Variants in GAREM2 observed in about 807,000 individuals in gnomAD.
GAREM2 encodes GRB2 associated regulator of MAPK1 subtype 2.
Under a neutral mutation model 55.6 loss-of-function variants are expected in GAREM2, and 30 were observed. The ratio of observed to expected loss-of-function variants is 0.54; its 90% CI spans 0.40 to 0.73. The LOEUF is 0.73. GAREM2 is among the 30% of genes least tolerant of loss of function. GAREM2 has a pLI of 0.00. For synonymous variants in GAREM2, 550 were observed against 569.1 expected, an observed-to-expected ratio of 0.97 and a Z score of 0.48; for missense variants, 1,075 against 1,257.7, an observed-to-expected ratio of 0.85 and a Z score of 2.20.
intron 2 of GAREM2, among the ~76,000 whole-genome samples, chr2:26,178,254 C>A (rs1374152341): frequency 6.6e-6 from 1 of 152,174 alleles, no homozygotes; most frequent in African/African-American, 2.4e-5. Context: ...GGGGGAGGTC[C>A]CAGGTCTTCT....
Position 26,184,762 on chromosome 2 carries a change from TGCGCCGCGAGGGCCCG to T in GAREM2, c.922_937del (p.Glu308CysfsTer85). 1 of 1,496,924 alleles carries T rather than the reference TGCGCCGCGAGGGCCCG, an allele frequency of 6.7e-7. No homozygotes were observed. Among genetic ancestry groups the T allele is most frequent in the Non-Finnish European group, 8.9e-7 (1 of 1,128,776 alleles). 92.7% of individuals were successfully genotyped at this position (1,496,924 alleles called of 1,614,324 possible). A position where few individuals can be genotyped will look rare whatever the true frequency, so the allele number is the denominator to read the frequency against. On this transcript the variant is annotated frameshift_variant, in exon 4 of 6. Transcript: ENST00000401533. LOFTEE classifies it high-confidence loss of function. ...AAGACGGTGGTGCTGGGGCTGGCGC[TGCGCCGCGAGGGCCCG>T]GCGCCGCTGCACTTCCTGCTGCTCA...
At chr2:26,176,928 T>C (rs947259502) in intron 2 of GAREM2, among the ~76,000 whole-genome samples, 1 of 152,212 alleles carries the variant, frequency 6.6e-6, no homozygotes. Flanking sequence ...CTCTCCGCGC[T>C]GATCCTGTTT....
chr2:26,194,288 A>G (rs1443097848), downstream of GAREM2, among the ~76,000 whole-genome samples: 1 of 152,130 alleles, frequency 6.6e-6, no homozygotes, highest in African/African-American at 2.4e-5. Context: ...CCTGCCTCAG[A>G]GAGGTGCAGA....
At position 26,187,833 on chromosome 2, in the gene GAREM2, T is replaced by C. The variant is rs1416895270; in HGVS notation, c.2201T>C (p.Leu734Pro). 2.8e-6 allele frequency: 4 copies of C among 1,439,250 alleles called. No homozygotes were observed. The highest frequency in any genetic ancestry group is 3.0e-5 in the Admixed American group (1 of 33,834). 89.2% of individuals were successfully genotyped at this position (1,439,250 alleles called of 1,614,324 possible). ...GGGACACCTGGGCCTGGACCCCGCCTTTCACCACTTGGCCCCTCCAAGGCC... is the reference window on the plus strand; with the variant it reads ...GGGACACCTGGGCCTGGACCCCGCCCTTCACCACTTGGCCCCTCCAAGGCC... The part of the protein sequence containing the change: ...AVGTPGPGPR[L>P]SPLGPSKAFE... Residue 734 changes from leucine (L) to proline (P), a missense_variant, in exon 6 of 6, where the codon CTT becomes CCT. Leu to Pro is a moderately conservative substitution (Grantham distance 98). Around this residue, in one of 6 missense-constraint regions of GAREM2, gnomAD observed 15 missense variants for 31.0 expected, o/e 0.48. Coordinates refer to ENST00000401533, the MANE Select transcript of GAREM2 (RefSeq NM_001168241.2).
chr2:26,197,242 C>A, the GAREM2 span, among the ~76,000 whole-genome samples: 3 of 152,126 alleles, frequency 2.0e-5, no homozygotes, highest in Non-Finnish European at 4.4e-5. Context: ...TGCTTCTATA[C>A]CCAGCCCTTT....
In GAREM2 at chr2:26,188,260, T is replaced by G; in HGVS notation, c.*3T>G. On this transcript the variant is annotated 3_prime_UTR_variant, in exon 6 of 6. Transcript: ENST00000401533. Reference sequence around the variant, plus strand: ...AAGGCTGGAGGCCCAAGATCTGAACTGCCCAGCTGGAGCTGCACAGCTGGA... The same window carrying G: ...AAGGCTGGAGGCCCAAGATCTGAACGGCCCAGCTGGAGCTGCACAGCTGGA... 1.4e-6 allele frequency: 2 copies of G among 1,457,578 alleles called. No individual in the cohort carries two copies. The highest frequency in any genetic ancestry group is 1.8e-6 in the Non-Finnish European group (2 of 1,093,844). The allele number at this position is 1,457,578 out of a possible 1,614,324, so 90.3% of individuals were successfully genotyped here. A position where few individuals can be genotyped will look rare whatever the true frequency, so the allele number is the denominator to read the frequency against.
rs1339519938 is a variant in GAREM2 at position 26,186,183 on chromosome 2, T to A, written c.1429-6T>A. 6 of 1,499,346 alleles carry A rather than the reference T, an allele frequency of 4.0e-6. No homozygotes were observed. The East Asian group carries it at 1.5e-4, about 38-fold the overall frequency. The allele number at this position is 1,499,346 out of a possible 1,614,324, so 92.9% of individuals were successfully genotyped here. ...TCGAGGTGGAGTCACCGCCCTCTGC[T>A]TGTAGGTGAAGGAGGAGTGCCGCCT... On this transcript the variant is annotated splice_region_variant and splice_polypyrimidine_tract_variant and intron_variant, in intron 4 of 5. Coordinates refer to ENST00000401533, the MANE Select transcript of GAREM2 (RefSeq NM_001168241.2).
At chr2:26,186,123 G>T in intron 4 of GAREM2, 66 bp from the exon 5 acceptor site, 12 of 1,414,182 alleles carry the variant, frequency 8.5e-6, no homozygotes, top group Non-Finnish European at 1.1e-5. Context: ...CAGCTGCTTG[G>T]GAAGGGGAAG....
chr2:26,191,195 C>G (rs940093001), downstream of GAREM2: 1 of 1,559,282 alleles, frequency 6.4e-7, no homozygotes, highest in African/African-American at 1.4e-5. Context: ...GTTGGAGAAC[C>G]AGCACTGCCG....
the GAREM2 span, among the ~76,000 whole-genome samples, chr2:26,198,661 T>TA: frequency 0.82 from 122,221 of 148,720 alleles, 50,530 homozygotes; most frequent in African/African-American, 0.94. Flanking sequence ...CCTTAAGATT[T>TA]AAAAAAAAAA....
chr2:26,185,259 C>A lies in GAREM2; in HGVS notation c.1411C>A (p.Pro471Thr). The change falls in exon 4 of 6, where the codon CCT becomes ACT. Residue 471 changes from proline to threonine, a missense_variant. Coordinates refer to ENST00000401533, the MANE Select transcript of GAREM2 (RefSeq NM_001168241.2). ...REPEAPPPPV[P>T]PKSEAVKEEC... Reference sequence around the variant, plus strand: ...GCCGGAAGCGCCGCCGCCTCCAGTCCCTCCCAAATCCGAGGCGGTGAGTGA... The same window carrying A: ...GCCGGAAGCGCCGCCGCCTCCAGTCACTCCCAAATCCGAGGCGGTGAGTGA... The A allele has an allele frequency of 6.6e-7, 1 of 1,519,692 alleles. No individual in the cohort carries two copies. Among genetic ancestry groups the A allele is most frequent in the African/African-American group, 1.4e-5 (1 of 70,868 alleles). The allele number at this position is 1,519,692 out of a possible 1,614,324, so 94.1% of individuals were successfully genotyped here.
chr2:26,199,664 G>A, the GAREM2 span, among the ~76,000 whole-genome samples: 1 of 152,176 alleles, frequency 6.6e-6, no homozygotes, highest in Non-Finnish European at 1.5e-5. Context: ...TACCCTGCCA[G>A]TTCCAGGCCT....
the GAREM2 span, chr2:26,204,222 T>G: frequency 8.7e-6 from 14 of 1,610,960 alleles, no homozygotes; most frequent in South Asian, 9.9e-5. Context: ...GAAATGACTT[T>G]CGGTAAACTG....
intron 2 of GAREM2, chr2:26,182,241 G>A: frequency 7.0e-7 from 1 of 1,419,120 alleles, no homozygotes; most frequent in Non-Finnish European, 9.2e-7. Context: ...GGCATGTGCT[G>A]AGCTTGGCAA....
chr2:26,185,106 C>A lies in GAREM2; in HGVS notation c.1258C>A (p.Pro420Thr). 4 of 1,440,260 alleles carry A rather than the reference C, an allele frequency of 2.8e-6. No individual in the cohort carries two copies. The highest frequency in any genetic ancestry group is 2.7e-6 in the Non-Finnish European group (3 of 1,104,654). 89.2% of individuals were successfully genotyped at this position (1,440,260 alleles called of 1,614,324 possible). A position where few individuals can be genotyped will look rare whatever the true frequency, so the allele number is the denominator to read the frequency against. Residue 420 changes from proline to threonine, a missense_variant, in exon 4 of 6, where the codon CCC (proline) becomes ACC (threonine). Physicochemically the swap from Pro to Thr is conservative, Grantham distance 38. This residue lies in a region of GAREM2 where 515 missense variants were observed against 501.5 expected (regional missense o/e 1.03). Transcript: ENST00000401533. ...CCCCGACTGGGCAGCCGCGCCCGAGCCCGCCGCGCCGCCCGCCGAGATCCC... is the reference window on the plus strand; with the variant it reads ...CCCCGACTGGGCAGCCGCGCCCGAGACCGCCGCGCCGCCCGCCGAGATCCC... ...VSPDWAAAPEPAAPPAEIPYE... is the reference protein window; with the variant it reads ...VSPDWAAAPETAAPPAEIPYE...
the GAREM2 span, chr2:26,204,087 G>C: frequency 1.9e-6 from 3 of 1,613,884 alleles, no homozygotes; most frequent in East Asian, 2.2e-5. Flanking sequence ...TGCTGTCCTC[G>C]GTCTAGCGCA....
At chr2:26,176,086 C>G (rs911519014) in intron 1 of GAREM2, among the ~76,000 whole-genome samples, 2 of 152,186 alleles carry the variant, frequency 1.3e-5, no homozygotes, top group Admixed American at 1.3e-4. Flanking sequence ...GAGCCAGGGA[C>G]AGCAGGCATT....
At chr2:26,182,596 G>T in intron 2 of GAREM2, 1 of 1,122,662 alleles carries the variant, frequency 8.9e-7, no homozygotes, top group South Asian at 1.4e-5. Flanking sequence ...GGCTGGGACA[G>T]AGCAAGGAGC....
At chr2:26,193,668 A>G (rs149021400), downstream of GAREM2, 59 of 1,613,786 alleles carry the variant, frequency 3.7e-5, no homozygotes, top group Admixed American at 5.0e-5. Flanking sequence ...CTTCCGCCAC[A>G]TGTTTCGCTA....
Sources: allele counts gnomAD v4.1 joint callset (sites outside exome capture counted in the v4.1 genomes callset), GRCh38; gene constraint gnomAD v4.1.1; regional missense constraint gnomAD v4.1.1; transcripts MANE v1.5; gene names NCBI Gene and HGNC (gene_info 2026-07-23, HGNC 2026-07-21).